The following VTI1A variants were observed in gnomAD, a reference collection of about 807,000 sequenced individuals.
The protein encoded by VTI1A is vesicle transport through interaction with t-SNAREs homolog 1A.
A neutral mutation model predicts 34.9 loss-of-function variants in VTI1A; 22 were observed. The ratio of observed to expected loss-of-function variants is 0.63; its 90% confidence interval spans 0.45 to 0.90. VTI1A has a LOEUF of 0.90. VTI1A is among the 40% of genes least tolerant of loss of function. The pLI, the probability that VTI1A is intolerant of heterozygous loss-of-function variation, is 0.00. For missense variants in VTI1A, 268 were observed against 275.6 expected (o/e 0.97, Z 0.20); for synonymous variants, 87 against 97.3 (o/e 0.89, Z 0.62).
In VTI1A at chr10:112,470,046, C is replaced by T. The variant is rs544312106; in HGVS notation, c.264+5389C>T. ...CATGTTTTTCTTCTTTAAGGAATTA[C>T]GCTCCTCCACTGCTTGTTGTCCAAC... On this transcript the variant is annotated intron_variant, in intron 3 of 7. Coordinates refer to ENST00000393077, the MANE Select transcript of VTI1A (RefSeq NM_145206.4). Among the ~76,000 whole-genome samples the T allele has an allele frequency of 5.9e-5, 9 of 152,264 alleles. No homozygotes were observed. In the South Asian group the frequency reaches 8.3e-4, roughly 14 times the overall value.
At chr10:112,835,089 C>T in the VTI1A span, among the ~76,000 whole-genome samples, 1 of 152,086 alleles carries the variant, frequency 6.6e-6, no homozygotes, top group African/African-American at 2.4e-5. Context: ...AGGGCCCGTG[C>T]GCTTCTCGAC....
chr10:112,739,390 C>T (rs1850611856), intron 7 of VTI1A, among the ~76,000 whole-genome samples: 1 of 152,166 alleles, frequency 6.6e-6, no homozygotes, highest in South Asian at 2.1e-4. Flanking sequence ...TGAATTTTGT[C>T]AGTTGCATGT....
rs1016279820 is a variant in VTI1A at position 112,802,952 on chromosome 10, T to C, written c.561-12338T>C. 3.3e-5 allele frequency among the ~76,000 whole-genome samples: 5 copies of C among 152,224 alleles called. No individual in the cohort carries two copies. The South Asian group carries it at 1.0e-3, about 32-fold the overall frequency. On this transcript the variant is annotated intron_variant, in intron 7 of 7. Transcript: ENST00000393077. The stretch of plus-strand genomic sequence containing the variant: ...AAAGAGCAGCCTCGAAATTGAGTAA[T>C]CTTGGTTTTAAGAAAAAAGCTACTT...
At chr10:112,835,558 T>C in the VTI1A span, among the ~76,000 whole-genome samples, 1 of 152,204 alleles carries the variant, frequency 6.6e-6, no homozygotes, top group East Asian at 1.9e-4. Context: ...ACTAATGCTA[T>C]ATTTGGAAAG....
chr10:112,814,715 T>A (rs1853448157), intron 7 of VTI1A, among the ~76,000 whole-genome samples: 2 of 152,174 alleles, frequency 1.3e-5, no homozygotes, highest in South Asian at 4.1e-4. Flanking sequence ...TAACGTTTCC[T>A]CCTAGCGTAA....
chr10:112,704,585 G>A (rs1292362238), intron 7 of VTI1A, among the ~76,000 whole-genome samples: 1 of 152,104 alleles, frequency 6.6e-6, no homozygotes, highest in East Asian at 1.9e-4. Flanking sequence ...ATGAGAAATT[G>A]AGACTGTTTT....
chr10:112,496,613 A>G (rs761157074), intron 3 of VTI1A, among the ~76,000 whole-genome samples: 16 of 152,144 alleles, frequency 1.1e-4, no homozygotes, highest in South Asian at 6.2e-4. Flanking sequence ...AGGCAAAATT[A>G]TTGCTTTATT....
intron 5 of VTI1A, among the ~76,000 whole-genome samples, chr10:112,641,350 C>T (rs1048799015): frequency 6.6e-5 from 10 of 152,132 alleles, no homozygotes; most frequent in African/African-American, 2.2e-4. Flanking sequence ...AAGGAAAAAA[C>T]AGAATAGCCA....
At chr10:112,591,980 G>A (rs909051891) in intron 5 of VTI1A, among the ~76,000 whole-genome samples, 8 of 152,168 alleles carry the variant, frequency 5.3e-5, no homozygotes, top group South Asian at 2.1e-4. Flanking sequence ...AGATTTGAAC[G>A]TGAGAAGGAC....
At chr10:112,590,398 T>C (rs1349996033) in intron 5 of VTI1A, among the ~76,000 whole-genome samples, 1 of 152,126 alleles carries the variant, frequency 6.6e-6, no homozygotes, top group Non-Finnish European at 1.5e-5. Flanking sequence ...GATGTATAAA[T>C]TTATTTATTG....
chr10:112,684,158 T>A (rs937064663), intron 7 of VTI1A, among the ~76,000 whole-genome samples: 38 of 152,204 alleles, frequency 2.5e-4, no homozygotes, highest in African/African-American at 8.9e-4. Flanking sequence ...TGGCATATTT[T>A]ATTCCAGTTT....
intron 3 of VTI1A, among the ~76,000 whole-genome samples, chr10:112,523,044 T>C (rs1043550052): frequency 2.0e-5 from 3 of 152,106 alleles, no homozygotes; most frequent in Non-Finnish European, 4.4e-5. Context: ...CTATTTCACA[T>C]GTAGAATCAT....
intron 3 of VTI1A, among the ~76,000 whole-genome samples, chr10:112,518,589 C>CTATA (rs34659243): frequency 2.2e-4 from 21 of 94,300 alleles, no homozygotes; most frequent in Middle Eastern, 5.7e-3. Context: ...CTCTCTCTCT[C>CTATA]TATATATATA....
intron 3 of VTI1A, among the ~76,000 whole-genome samples, chr10:112,479,236 T>C (rs1321007490): frequency 1.3e-5 from 2 of 151,912 alleles, no homozygotes; most frequent in Admixed American, 6.5e-5. Context: ...ATATACTATA[T>C]TGAGAGGGAG....
rs62000977 is a variant in VTI1A, at chr10:112,815,767, T to A, written c.*384T>A. ...GAGCTTCTGTTTGTCACCCGCCTCT[T>A]GTTGCTGAAAAGCTCTTCTGTGATG... is the stretch of plus-strand genomic sequence containing the variant. On this transcript the variant is annotated 3_prime_UTR_variant, in exon 8 of 8. Coordinates refer to ENST00000393077, the MANE Select transcript of VTI1A (RefSeq NM_145206.4). The A allele has an allele frequency of 3.6e-6, 1 of 276,490 alleles. No homozygotes were observed. The highest frequency in any genetic ancestry group is 5.4e-5 in the East Asian group (1 of 18,516). The allele number at this position is 276,490 out of a possible 1,614,324, so 17.1% of individuals were successfully genotyped here.
chr10:112,698,044 C>T (rs747551794), intron 7 of VTI1A, among the ~76,000 whole-genome samples: 6 of 152,024 alleles, frequency 3.9e-5, no homozygotes, highest in Non-Finnish European at 8.8e-5. Context: ...GGAATGGAAG[C>T]CTACAGCAGC....
At chr10:112,555,242 T>C (rs1471474307) in intron 5 of VTI1A, among the ~76,000 whole-genome samples, 3 of 152,150 alleles carry the variant, frequency 2.0e-5, no homozygotes, top group Non-Finnish European at 2.9e-5. Context: ...CAAATATATA[T>C]GCATACACAC....
chr10:112,804,422 T>G (rs1852993050), intron 7 of VTI1A, among the ~76,000 whole-genome samples: 1 of 152,210 alleles, frequency 6.6e-6, no homozygotes, highest in Non-Finnish European at 1.5e-5. Context: ...ACCATCTCCT[T>G]TTACAGAATG....
intron 3 of VTI1A, among the ~76,000 whole-genome samples, chr10:112,487,335 G>C (rs1848675322): frequency 6.6e-6 from 1 of 152,132 alleles, no homozygotes; most frequent in African/African-American, 2.4e-5. Flanking sequence ...CATTGGGCAG[G>C]CTGGTCTCAA....
Sources: allele counts gnomAD v4.1 joint callset (sites outside exome capture counted in the v4.1 genomes callset), GRCh38; gene constraint gnomAD v4.1.1; transcripts MANE v1.5; gene names NCBI Gene and HGNC (gene_info 2026-07-23, HGNC 2026-07-21).